ANO2: variants seen among roughly 807,000 people sequenced by gnomAD.
The protein encoded by ANO2 is anoctamin-2.
Under a neutral mutation model 124.2 loss-of-function variants are expected in ANO2, and 101 were observed. The ratio of observed to expected loss-of-function variants is 0.81; its 90% CI spans 0.69 to 0.96. The LOEUF is 0.96. Ranked by LOEUF, ANO2 falls within the 40% of genes least tolerant of loss-of-function variation. ANO2 has a pLI of 0.00. For synonymous variants in ANO2, 486 were observed against 482.5 expected (o/e 1.01, Z -0.09); for missense variants, 1,293 against 1,274.5 (o/e 1.01, Z -0.22).
intron 14 of ANO2, among the ~76,000 whole-genome samples, chr12:5,686,075 G>A (rs1023598657): frequency 6.6e-6 from 1 of 152,172 alleles, no homozygotes; most frequent in African/African-American, 2.4e-5. Context: ...AGGCAAGGGG[G>A]ATAACCTCCA....
At chr12:5,841,931 A>G (rs905663422) in intron 4 of ANO2, among the ~76,000 whole-genome samples, 1 of 152,110 alleles carries the variant, frequency 6.6e-6, no homozygotes, top group Non-Finnish European at 1.5e-5. Flanking sequence ...GTGCAGTAGT[A>G]TGATTATAGC....
chr12:5,659,959 G>T (rs1448776289), intron 14 of ANO2, among the ~76,000 whole-genome samples: 1 of 152,124 alleles, frequency 6.6e-6, no homozygotes, highest in African/African-American at 2.4e-5. Flanking sequence ...TGCTCCTAAT[G>T]AGGTGGGAAG....
chr12:5,653,839 A>T (rs550776494), intron 14 of ANO2, among the ~76,000 whole-genome samples: 1 of 152,216 alleles, frequency 6.6e-6, no homozygotes, highest in Non-Finnish European at 1.5e-5. Flanking sequence ...ACTAGGAGAC[A>T]TTTCAACTGT....
At chr12:5,651,385 T>A (rs1946907018) in intron 14 of ANO2, among the ~76,000 whole-genome samples, 1 of 152,106 alleles carries the variant, frequency 6.6e-6, no homozygotes, top group South Asian at 2.1e-4. Context: ...AAAGTGGCAA[T>A]CATCCTTGAG....
intron 23 of ANO2, among the ~76,000 whole-genome samples, chr12:5,566,991 A>G (rs927488428): frequency 3.3e-5 from 5 of 152,202 alleles, no homozygotes; most frequent in Admixed American, 2.0e-4. Flanking sequence ...GTCCAAAGAG[A>G]GATGAGAGAA....
intron 3 of ANO2, among the ~76,000 whole-genome samples, chr12:5,855,276 T>C (rs1275865030): frequency 6.6e-6 from 1 of 152,220 alleles, no homozygotes; most frequent in Non-Finnish European, 1.5e-5. Context: ...GAGAGATAGA[T>C]GGCAAATAGA....
At chr12:5,827,732 G>GC in intron 7 of ANO2, 37 bp downstream of exon 7, 1 of 1,594,752 alleles carries the variant, frequency 6.3e-7, no homozygotes, top group Non-Finnish European at 8.5e-7. Flanking sequence ...CCGCCTCAGC[G>GC]CCCGTCAGCA....
chr12:5,835,741 A>G (rs1310773741), intron 4 of ANO2, among the ~76,000 whole-genome samples: 5 of 152,214 alleles, frequency 3.3e-5, no homozygotes, highest in South Asian at 4.1e-4. Context: ...ACAACTTACA[A>G]TATTGCCTCT....
At position 5,830,372 on chromosome 12, in the gene ANO2, G is replaced by T. The variant is rs1253846116; in HGVS notation, c.840+63C>A. On this transcript the variant is annotated intron_variant, in intron 6 of 24. Coordinates refer to ENST00000682330, the MANE Select transcript of ANO2 (RefSeq NM_001364791.2). The stretch of plus-strand genomic sequence containing the variant: ...GGCAGGGAGGGTAAGAGAATGCCCT[G>T]CCAACTAGGAACTCAGCCCTTTCCC... The T allele has an allele frequency of 3.2e-6, 5 of 1,542,358 alleles. No individual in the cohort carries two copies. In the East Asian group the frequency reaches 1.2e-4, roughly 36 times the overall value.
intron 3 of ANO2, among the ~76,000 whole-genome samples, chr12:5,860,704 G>C (rs894115473): frequency 6.6e-6 from 1 of 152,146 alleles, no homozygotes; most frequent in East Asian, 1.9e-4. Context: ...CACCTGACCA[G>C]GAACCATCTA....
At chr12:5,734,552 C>T (rs192673194) in intron 13 of ANO2, among the ~76,000 whole-genome samples, 1 of 152,344 alleles carries the variant, frequency 6.6e-6, no homozygotes, top group African/African-American at 2.4e-5. Context: ...GATGTGGCAG[C>T]ACACAGAGGA....
At chr12:5,684,181 G>A (rs1948613053) in intron 14 of ANO2, among the ~76,000 whole-genome samples, 1 of 152,156 alleles carries the variant, frequency 6.6e-6, no homozygotes, top group Non-Finnish European at 1.5e-5. Flanking sequence ...CTCGCCATGT[G>A]GCACCAAGAT....
chr12:5,592,239 T>C (rs2136869602), intron 20 of ANO2, among the ~76,000 whole-genome samples: 1 of 152,324 alleles, frequency 6.6e-6, no homozygotes, highest in Non-Finnish European at 1.5e-5. Flanking sequence ...TATCAGGTTC[T>C]AGTACCCATG....
chr12:5,794,567 T>A (rs1187886555), intron 10 of ANO2, among the ~76,000 whole-genome samples: 1 of 152,224 alleles, frequency 6.6e-6, no homozygotes, highest in Non-Finnish European at 1.5e-5. Flanking sequence ...AAGGGCCACC[T>A]CTTCCAGGAA....
At chr12:5,852,201 G>A (rs554546137) in intron 4 of ANO2, among the ~76,000 whole-genome samples, 35 of 152,308 alleles carry the variant, frequency 2.3e-4, no homozygotes, top group African/African-American at 8.2e-4. Context: ...CAGAGAACAT[G>A]AGCTAAAGAG....
In ANO2 at chr12:5,904,025, CCTGCCTT is replaced by C. The variant is rs1940506833; in HGVS notation, c.534+17008_534+17014del. 6.6e-6 allele frequency among the ~76,000 whole-genome samples: 1 copy of C among 152,280 alleles called. No homozygotes were observed. The highest frequency in any genetic ancestry group is 1.9e-4 in the East Asian group (1 of 5,176). ...CATCCTGCATGACCCTGGGCAATTT[CCTGCCTT>C]CTGCTTTCTTCATTAAACACTGACC... is the stretch of plus-strand genomic sequence containing the variant. On this transcript the variant is annotated intron_variant, in intron 3 of 24. Coordinates refer to ENST00000682330, the MANE Select transcript of ANO2 (RefSeq NM_001364791.2). The surrounding 1 kb of genome is among the most constrained non-coding windows in gnomAD (Gnocchi z 4.1).
chr12:5,643,988 G>A (rs1261042537), intron 15 of ANO2, among the ~76,000 whole-genome samples: 1 of 152,134 alleles, frequency 6.6e-6, no homozygotes, highest in East Asian at 1.9e-4. Context: ...TTCTCACAGA[G>A]TTTATTAGGT....
rs896714229 is a variant in ANO2, at chr12:5,636,446, A to G, written c.1621-1099T>C. Among the ~76,000 whole-genome samples the G allele has an allele frequency of 6.6e-6, 1 of 152,172 alleles. No homozygotes were observed. The highest frequency in any genetic ancestry group is 2.4e-5 in the African/African-American group (1 of 41,440). On this transcript the variant is annotated intron_variant, in intron 15 of 24. Transcript: ENST00000682330. This position sits in a 1 kb window ranked among gnomAD's most constrained non-coding sequence, Gnocchi z 4.6. ...CAAGTCAAGACTTCTTCAAGAAAGA[A>G]GACTTCCTTCTTAGGACTCTTTCTG...
chr12:5,909,194 T>C (rs770237670), intron 3 of ANO2, among the ~76,000 whole-genome samples: 2 of 152,152 alleles, frequency 1.3e-5, no homozygotes, highest in Non-Finnish European at 2.9e-5. Context: ...AAATTAAACA[T>C]GATTGGCCAA....
Sources: gnomAD v4.1 joint callset for allele counts (sites outside exome capture counted in the v4.1 genomes callset) on GRCh38, gnomAD v4.1.1 for gene constraint, Gnocchi (gnomAD v3.1) non-coding constraint, MANE v1.5 for transcripts, NCBI Gene and HGNC (gene_info 2026-07-23, HGNC 2026-07-21) for gene names.